CBX3: variants seen among roughly 807,000 people sequenced by gnomAD.
CBX3 encodes the protein chromobox 3, also known as chromobox protein homolog 3.
CBX3 carries 5 observed loss-of-function variants against 22.6 expected under a neutral mutation model. The observed-to-expected ratio is 0.22, with a 90% CI of 0.12 to 0.47. CBX3 has a LOEUF of 0.47. CBX3 is among the 20% of genes least tolerant of loss of function. CBX3 has a pLI of 0.99. For missense variants in CBX3, 83 were observed against 208.1 expected, an observed-to-expected ratio of 0.40 and a Z score of 3.70; for synonymous variants, 50 against 66.6, an observed-to-expected ratio of 0.75 and a Z score of 1.21.
chr7:26,202,741 C>CTGTTTTAG, intron 1 of CBX3: 1 of 492,798 alleles, frequency 2.0e-6, no homozygotes, highest in Non-Finnish European at 3.6e-6. Context: ...CCATGTGAAG[C>CTGTTTTAG]TGTTTTAGGT....
Position 26,212,423 on chromosome 7 carries a change from T to A in CBX3, c.*215T>A, listed in dbSNP as rs1784824111. The stretch of plus-strand genomic sequence containing the variant: ...TAAATAAAAGCTTTCTGTAGTTGCT[T>A]CCTTTATCAGAAAAGAACATTTGAT... On this transcript the variant is annotated 3_prime_UTR_variant, in exon 6 of 6. Transcript: ENST00000396386. The A allele has an allele frequency of 9.7e-6, 2 of 205,340 alleles. No individual in the cohort carries two copies. Among genetic ancestry groups the A allele is most frequent in the Admixed American group, 1.2e-4 (2 of 17,050 alleles). 12.7% of individuals were successfully genotyped at this position (205,340 alleles called of 1,614,324 possible). A position where few individuals can be genotyped will look rare whatever the true frequency, so the allele number is the denominator to read the frequency against.
chr7:26,206,294 A>G, intron 2 of CBX3, 74 bp from the exon 3 acceptor site: 1 of 920,654 alleles, frequency 1.1e-6, no homozygotes, highest in Non-Finnish European at 1.6e-6. Flanking sequence ...ATAATAATAT[A>G]AGCAATTGAG....
intron 3 of CBX3, among the ~76,000 whole-genome samples, chr7:26,207,487 C>T (rs1040413729): frequency 4.6e-5 from 7 of 152,122 alleles, no homozygotes; most frequent in African/African-American, 9.7e-5. Context: ...AGCGTACTTC[C>T]CATGTGCAGT....
At chr7:26,206,214 C>G (rs761002079) in intron 2 of CBX3, 154 bp from the exon 3 acceptor site, 2 of 566,990 alleles carry the variant, frequency 3.5e-6, no homozygotes, top group South Asian at 2.4e-5. Flanking sequence ...ATTTTATTGT[C>G]TGTTGACTTT....
At chr7:26,202,495 G>A (rs975108205) in intron 1 of CBX3, 1 of 153,172 alleles carries the variant, frequency 6.5e-6, no homozygotes, top group East Asian at 1.9e-4. Flanking sequence ...CGGGGTTGAA[G>A]CATCTTAAGT....
At chr7:26,208,870 G>A (rs969112875) in intron 4 of CBX3, among the ~76,000 whole-genome samples, 17 of 143,240 alleles carry the variant, frequency 1.2e-4, no homozygotes, top group Non-Finnish European at 2.2e-4. Context: ...CTCCCGCCTC[G>A]GCCTCCCAAA....
Position 26,212,257 on chromosome 7 carries a change from G to C in CBX3, c.*49G>C, listed in dbSNP as rs773527822. On this transcript the variant is annotated 3_prime_UTR_variant, in exon 6 of 6. Coordinates refer to ENST00000396386, the MANE Select transcript of CBX3 (RefSeq NM_016587.4). ...ATATTTATATATATATATAAAAATT[G>C]GGTCTTAGATTTTGATTTACTAGTG... 2.9e-5 allele frequency: 32 copies of C among 1,089,010 alleles called. No individual in the cohort carries two copies. Among genetic ancestry groups the C allele is most frequent in the Non-Finnish European group, 3.4e-5 (29 of 861,338 alleles). The allele number at this position is 1,089,010 out of a possible 1,614,324, so 67.5% of individuals were successfully genotyped here.
intron 2 of CBX3, 34 bp downstream of exon 2, chr7:26,203,056 T>C (rs765061985): frequency 9.9e-6 from 14 of 1,418,814 alleles, no homozygotes; most frequent in Non-Finnish European, 1.2e-5. Flanking sequence ...ATGTAAGGAT[T>C]TAACTCAAGT....
intron 2 of CBX3, among the ~76,000 whole-genome samples, chr7:26,204,647 C>T (rs1481848888): frequency 4.6e-5 from 7 of 152,178 alleles, no homozygotes; most frequent in African/African-American, 7.2e-5. Flanking sequence ...TGTCTGCACA[C>T]TTCATATGCC....
intron 4 of CBX3, among the ~76,000 whole-genome samples, chr7:26,209,732 TCTTA>T (rs1784762471): frequency 1.3e-5 from 2 of 152,340 alleles, no homozygotes; most frequent in Non-Finnish European, 2.9e-5. Context: ...TCAGGTAACT[TCTTA>T]CTTACACCCT....
intron 2 of CBX3, among the ~76,000 whole-genome samples, chr7:26,204,212 T>C (rs1032206938): frequency 2.0e-5 from 3 of 150,490 alleles, no homozygotes; most frequent in South Asian, 2.1e-4. Flanking sequence ...GAATGAATAC[T>C]GTATGGCATT....
intron 3 of CBX3, 64 bp from the exon 4 acceptor site, chr7:26,208,329 G>C: frequency 7.5e-7 from 1 of 1,326,716 alleles, no homozygotes; most frequent in Non-Finnish European, 1.0e-6. Context: ...AAATAGATCT[G>C]GATAATGGTG....
At chr7:26,203,092 C>T (rs932466841) in intron 2 of CBX3, 70 bp downstream of exon 2, 3 of 962,358 alleles carry the variant, frequency 3.1e-6, no homozygotes, top group Non-Finnish European at 4.6e-6. Context: ...TATAACTTTG[C>T]ATCTCTGTGG....
rs1031968404 is a variant in CBX3 at position 26,208,631 on chromosome 7, T to C, written c.330+76T>C. On this transcript the variant is annotated intron_variant, in intron 4 of 5. Coordinates refer to ENST00000396386, the MANE Select transcript of CBX3 (RefSeq NM_016587.4). ...GCTTGATTTCTTTTTTGTTTGTTTG[T>C]TTTTTTGAGATGGAGTCTTGCTCTT... 3 of 1,396,820 alleles carry C rather than the reference T, an allele frequency of 2.1e-6. No individual in the cohort carries two copies. The Admixed American group carries it at 6.0e-5, about 28-fold the overall frequency. The allele number at this position is 1,396,820 out of a possible 1,614,324, so 86.5% of individuals were successfully genotyped here.
chr7:26,205,499 T>A (rs1034301970), intron 2 of CBX3, among the ~76,000 whole-genome samples: 52 of 152,386 alleles, frequency 3.4e-4, no homozygotes, highest in Non-Finnish European at 2.5e-4. Context: ...TGTCCTTTAA[T>A]TGAACCTCCT....
At chr7:26,205,392 A>C (rs1313339119) in intron 2 of CBX3, among the ~76,000 whole-genome samples, 1 of 152,226 alleles carries the variant, frequency 6.6e-6, no homozygotes, top group East Asian at 1.9e-4. Context: ...AGGGAATTAA[A>C]ATAAATTTGT....
rs1368355040 is a variant in CBX3, at chr7:26,212,394, CAAAT to C, written c.*194_*197del. On this transcript the variant is annotated 3_prime_UTR_variant, in exon 6 of 6. Transcript: ENST00000396386. ...CATCCATAGCACTGGTTACTTTGAA[CAAAT>C]AAATAAAAGCTTTCTGTAGTTGCTT... 6.3e-5 allele frequency: 16 copies of C among 254,016 alleles called. No individual in the cohort carries two copies. The highest frequency in any genetic ancestry group is 5.2e-4 in the South Asian group (3 of 5,780). 15.7% of individuals were successfully genotyped at this position (254,016 alleles called of 1,614,324 possible). A position where few individuals can be genotyped will look rare whatever the true frequency, so the allele number is the denominator to read the frequency against.
intron 2 of CBX3, among the ~76,000 whole-genome samples, chr7:26,203,763 G>A (rs140557242): frequency 2.6e-5 from 4 of 152,192 alleles, no homozygotes; most frequent in South Asian, 4.1e-4. Context: ...TGTCTCCTAG[G>A]TAAAATAAAG....
intron 2 of CBX3, among the ~76,000 whole-genome samples, chr7:26,204,847 T>G (rs1211087986): frequency 1.3e-5 from 2 of 152,186 alleles, no homozygotes; most frequent in East Asian, 3.8e-4. Context: ...TAGAGTGCAA[T>G]GGCGTGATCT....
Sources: gnomAD v4.1 joint callset for allele counts (sites outside exome capture counted in the v4.1 genomes callset) on GRCh38, gnomAD v4.1.1 for gene constraint, MANE v1.5 for transcripts, NCBI Gene and HGNC (gene_info 2026-07-23, HGNC 2026-07-21) for gene names.